DNAH8: variants seen among roughly 807,000 people sequenced by gnomAD.
DNAH8 encodes axonemal beta dynein heavy chain 8.
In DNAH8, 382 loss-of-function variants were observed where a neutral mutation model predicts 562.1. That is an observed-to-expected ratio of 0.68 (90% CI 0.63 to 0.74). The LOEUF (loss-of-function observed/expected upper bound fraction) is 0.74, where lower values mean the gene tolerates loss of function less well. Ranked by LOEUF, DNAH8 falls within the 30% of genes least tolerant of loss-of-function variation. DNAH8 has a pLI of 0.00. For missense variants in DNAH8, 5,203 were observed against 5,620.4 expected (o/e 0.93, Z 2.37); for synonymous variants, 1,881 against 1,919.4 (o/e 0.98, Z 0.52).
intron 52 of DNAH8, among the ~76,000 whole-genome samples, chr6:38,873,656 A>G (rs1433672455): frequency 1.3e-5 from 2 of 152,024 alleles, no homozygotes; most frequent in Non-Finnish European, 2.9e-5. Context: ...TAAAGTGTGT[A>G]TAATAATGAC....
At chr6:38,923,459 C>T (rs1051342180) in intron 72 of DNAH8, 3 of 283,110 alleles carry the variant, frequency 1.1e-5, no homozygotes, top group Non-Finnish European at 2.0e-5. Context: ...GTTCTCTATG[C>T]TTCACCTCAA....
intron 77 of DNAH8, among the ~76,000 whole-genome samples, chr6:38,937,146 T>C (rs895301651): frequency 4.0e-5 from 6 of 151,086 alleles, no homozygotes; most frequent in African/African-American, 1.2e-4. Context: ...TAAGTGGGAG[T>C]TGAACAATAA....
At chr6:39,026,000 T>C (rs1767248646) in intron 91 of DNAH8, among the ~76,000 whole-genome samples, 1 of 152,264 alleles carries the variant, frequency 6.6e-6, no homozygotes, top group Admixed American at 6.5e-5. Context: ...ATTATGCACA[T>C]TAAAATATGT....
At chr6:39,009,905 TG>T (rs1216253968) in intron 89 of DNAH8, among the ~76,000 whole-genome samples, 1 of 152,224 alleles carries the variant, frequency 6.6e-6, no homozygotes, top group Non-Finnish European at 1.5e-5. Flanking sequence ...GGATAAATAT[TG>T]TAAGTATACA....
intron 71 of DNAH8, among the ~76,000 whole-genome samples, chr6:38,921,867 G>C (rs1309415241): frequency 6.6e-6 from 1 of 152,096 alleles, no homozygotes; most frequent in Admixed American, 6.6e-5. Flanking sequence ...TCAGCGAAGG[G>C]AGACAGGGGT....
intron 80 of DNAH8, among the ~76,000 whole-genome samples, chr6:38,948,320 T>A (rs6903398): frequency 0.19 from 28,411 of 152,034 alleles, 3,323 homozygotes; most frequent in African/African-American, 0.32. Flanking sequence ...GTGGCTTTTT[T>A]ATTTTAATTT....
intron 62 of DNAH8, among the ~76,000 whole-genome samples, chr6:38,902,038 C>T (rs1401160239): frequency 3.3e-5 from 5 of 152,222 alleles, no homozygotes; most frequent in Admixed American, 3.3e-4. Flanking sequence ...GCTTCACTCA[C>T]TGGCATTATC....
At chr6:38,926,289 T>C in intron 74 of DNAH8, 79 bp downstream of exon 74, 1 of 1,485,846 alleles carries the variant, frequency 6.7e-7, no homozygotes, top group Non-Finnish European at 9.1e-7. Flanking sequence ...TCTGCAGTCA[T>C]AAAGTTGTCA....
At chr6:38,883,796 A>T in intron 55 of DNAH8, 80 bp from the exon 56 acceptor site, 1 of 1,165,290 alleles carries the variant, frequency 8.6e-7, no homozygotes, top group Non-Finnish European at 1.2e-6. Context: ...ATTATATTCT[A>T]CTCTGACAAG....
At chr6:39,012,735 C>T (rs184728505) in intron 91 of DNAH8, 98 bp downstream of exon 91, 392 of 906,024 alleles carry the variant, frequency 4.3e-4, no homozygotes, top group Admixed American at 1.1e-3. Context: ...AATATGGAGG[C>T]GTAGCTTGCT....
intron 44 of DNAH8, among the ~76,000 whole-genome samples, chr6:38,863,344 T>C (rs1162626238): frequency 6.6e-6 from 1 of 152,068 alleles, no homozygotes. Flanking sequence ...CTAGAATTGC[T>C]TGAACCCGGG....
chr6:38,918,033 A>G lies in DNAH8; in HGVS notation c.10417A>G (p.Thr3473Ala), dbSNP rs1781442906. The G allele has an allele frequency of 6.2e-7, 1 of 1,613,740 alleles. No individual in the cohort carries two copies. The highest frequency in any genetic ancestry group is 1.3e-5 in the African/African-American group (1 of 74,912). The change falls in exon 70 of 93, where the codon ACT (threonine) becomes GCT (alanine). Residue 3473 changes from threonine (T) to alanine (A), a missense_variant. Transcript: ENST00000327475. ...LQPYFNMDDY[T>A]FESAKKVCGN... ...GCCATATTTTAATATGGATGATTAT[A>G]CTTTTGAAAGTGCCAAAAAAGTCTG...
chr6:38,746,540 C>A (rs1299655854), intron 8 of DNAH8, among the ~76,000 whole-genome samples: 1 of 151,194 alleles, frequency 6.6e-6, no homozygotes, highest in Non-Finnish European at 1.5e-5. Flanking sequence ...AAAATGGAAT[C>A]ATTTATAATG....
At position 38,894,846 on chromosome 6, in the gene DNAH8, GC is replaced by G; in HGVS notation, c.8730del (p.Ser2910ArgfsTer3). On this transcript the variant is annotated frameshift_variant, in exon 59 of 93. Coordinates refer to ENST00000327475, the MANE Select transcript of DNAH8 (RefSeq NM_001206927.2). LOFTEE classifies it high-confidence loss of function. ...CTGTCCCTTTTCAAACACGAGTGCA[GC>G]AGAGTAATTGCAGACAGGTGCGTGT... ...TLLSLFKHEC[S>X]RVIADRFITP... 1 of 1,613,850 alleles carries G rather than the reference GC, an allele frequency of 6.2e-7. No individual in the cohort carries two copies. The highest frequency in any genetic ancestry group is 8.5e-7 in the Non-Finnish European group (1 of 1,179,920).
At chr6:39,023,419 G>T (rs1398144445) in intron 91 of DNAH8, among the ~76,000 whole-genome samples, 1 of 152,168 alleles carries the variant, frequency 6.6e-6, no homozygotes, top group Admixed American at 6.5e-5. Context: ...TGTGAACCCG[G>T]GAGGTGGAGC....
intron 88 of DNAH8, among the ~76,000 whole-genome samples, chr6:39,005,464 C>T (rs1193262809): frequency 6.6e-6 from 1 of 152,098 alleles, no homozygotes; most frequent in East Asian, 1.9e-4. Context: ...CTAGCAATTA[C>T]GAAGGTTCAG....
At chr6:38,936,951 C>T (rs1211257262) in intron 77 of DNAH8, among the ~76,000 whole-genome samples, 2 of 152,114 alleles carry the variant, frequency 1.3e-5, no homozygotes, top group African/African-American at 4.8e-5. Context: ...TCCAAGGTGT[C>T]TTTCCTTAGA....
intron 9 of DNAH8, among the ~76,000 whole-genome samples, chr6:38,753,345 T>C (rs1765630986): frequency 6.6e-6 from 1 of 152,196 alleles, no homozygotes; most frequent in African/African-American, 2.4e-5. Flanking sequence ...ATGTGAGCAA[T>C]TAAAATTTCT....
intron 8 of DNAH8, among the ~76,000 whole-genome samples, chr6:38,749,347 G>A (rs1765227206): frequency 6.6e-6 from 1 of 151,994 alleles, no homozygotes; most frequent in Non-Finnish European, 1.5e-5. Context: ...ACAGGGAGGG[G>A]AACATCACAC....
Sources: gnomAD v4.1 joint callset for allele counts (sites outside exome capture counted in the v4.1 genomes callset) on GRCh38, gnomAD v4.1.1 for gene constraint, MANE v1.5 for transcripts, NCBI Gene and HGNC (gene_info 2026-07-23, HGNC 2026-07-21) for gene names.